TYW1B: variants seen among roughly 807,000 people sequenced by gnomAD.
TYW1B encodes tRNA-yW synthesizing protein 1 homolog B, also known as S-adenosyl-L-methionine-dependent tRNA 4-demethylwyosine synthase TYW1B.
TYW1B carries 73 observed loss-of-function variants against 86.9 expected under a neutral mutation model. The observed-to-expected ratio is 0.84, with a 90% CI of 0.70 to 1.02. TYW1B has a LOEUF of 1.02. Ranked by LOEUF, TYW1B falls within the 50% of genes least tolerant of loss-of-function variation. The pLI is 0.00. For synonymous variants in TYW1B, 248 were observed against 292.8 expected, an observed-to-expected ratio of 0.85 and a Z score of 1.56; for missense variants, 637 against 827.4, an observed-to-expected ratio of 0.77 and a Z score of 2.82.
chr7:72,603,245 CGGATGGATGGAT>C (rs201837149), intron 13 of TYW1B, among the ~76,000 whole-genome samples: 2 of 128,480 alleles, frequency 1.6e-5, no homozygotes, highest in Non-Finnish European at 3.3e-5. Flanking sequence ...GATGGACGGA[CGGATGGATGGAT>C]GGATGGATGG....
intron 10 of TYW1B, among the ~76,000 whole-genome samples, chr7:72,700,572 T>C (rs1255721390): frequency 2.6e-5 from 4 of 152,194 alleles, no homozygotes; most frequent in African/African-American, 9.7e-5. Context: ...CACATATTTG[T>C]GAATTTCCCA....
At chr7:72,822,314 GA>G (rs797027019) in intron 2 of TYW1B, among the ~76,000 whole-genome samples, 3 of 150,126 alleles carry the variant, frequency 2.0e-5, no homozygotes, top group African/African-American at 2.4e-5. Flanking sequence ...AATGAAAAGG[GA>G]AAAAAAATTC....
chr7:72,593,919 C>A (rs1236060724), intron 13 of TYW1B, among the ~76,000 whole-genome samples: 2 of 147,286 alleles, frequency 1.4e-5, no homozygotes, highest in Non-Finnish European at 3.0e-5. Flanking sequence ...TAAATATTAC[C>A]AATGGATCAC....
At chr7:72,814,682 A>G (rs2129572799) in intron 3 of TYW1B, among the ~76,000 whole-genome samples, 1 of 152,082 alleles carries the variant, frequency 6.6e-6, no homozygotes, top group South Asian at 2.1e-4. Flanking sequence ...GGATCACTTG[A>G]GCCCGGGAGG....
chr7:72,642,349 C>A (rs560630869), intron 11 of TYW1B, among the ~76,000 whole-genome samples: 396 of 152,292 alleles, frequency 2.6e-3, no homozygotes, highest in African/African-American at 9.0e-3. Flanking sequence ...ATACAATGGA[C>A]TTTTCAAAGT....
At chr7:72,811,716 A>G (rs1300364246) in intron 3 of TYW1B, among the ~76,000 whole-genome samples, 1 of 151,742 alleles carries the variant, frequency 6.6e-6, no homozygotes, top group African/African-American at 2.4e-5. Flanking sequence ...GTTCAAGACC[A>G]GCCTAAGCAA....
At chr7:72,644,466 T>G (rs1352036303) in intron 11 of TYW1B, among the ~76,000 whole-genome samples, 2 of 152,150 alleles carry the variant, frequency 1.3e-5, no homozygotes, top group African/African-American at 4.8e-5. Flanking sequence ...AAGAATCGCT[T>G]GAACTCAGGA....
chr7:72,642,141 C>T (rs2129569038), intron 11 of TYW1B, among the ~76,000 whole-genome samples: 1 of 152,272 alleles, frequency 6.6e-6, no homozygotes, highest in South Asian at 2.1e-4. Flanking sequence ...ATAGTCTTTT[C>T]AACACATGGT....
intron 5 of TYW1B, among the ~76,000 whole-genome samples, 159 bp from the exon 6 acceptor site, chr7:72,802,681 C>G (rs1418197876): frequency 6.6e-6 from 1 of 151,894 alleles, no homozygotes; most frequent in Non-Finnish European, 1.5e-5. Flanking sequence ...AGCGCAGTGG[C>G]GTCATCTCGG....
chr7:72,653,819 C>T (rs1281219341), intron 11 of TYW1B, among the ~76,000 whole-genome samples: 2 of 152,060 alleles, frequency 1.3e-5, no homozygotes, highest in African/African-American at 2.4e-5. Flanking sequence ...TGGTGGCTCA[C>T]GCCTGTGATC....
intron 5 of TYW1B, among the ~76,000 whole-genome samples, chr7:72,803,552 G>A (rs1232797061): frequency 1.3e-5 from 2 of 152,162 alleles, no homozygotes; most frequent in Non-Finnish European, 2.9e-5. Context: ...CGGCTAATAC[G>A]TGGCAGCCTT....
Position 72,694,672 on chromosome 7 carries a change from T to A in TYW1B, c.1506+15A>T. On this transcript the variant is annotated intron_variant, in intron 11 of 13. Transcript: ENST00000620995. ...GAGGGTTGTTTATTTATTTTTAAGA[T>A]GTCATAATTCTTACCTTGACTGCCA... 1 of 1,590,748 alleles carries A rather than the reference T, an allele frequency of 6.3e-7. No homozygotes were observed. The highest frequency in any genetic ancestry group is 8.5e-7 in the Non-Finnish European group (1 of 1,174,190).
Position 72,677,958 on chromosome 7 carries a change from T to C in TYW1B, c.1506+16729A>G, listed in dbSNP as rs532162950. Among the ~76,000 whole-genome samples, 3 of 152,212 alleles carry C rather than the reference T, an allele frequency of 2.0e-5. No homozygotes were observed. The East Asian group carries it at 5.8e-4, about 29-fold the overall frequency. On this transcript the variant is annotated intron_variant, in intron 11 of 13. Coordinates refer to ENST00000620995, the MANE Select transcript of TYW1B (RefSeq NM_001145440.3). Reference sequence around the variant, plus strand: ...CTCGAGTGATCCACCCACCTCAGTCTCCAAAAGCGCTGAGATTACAGGCGT... The same window carrying C: ...CTCGAGTGATCCACCCACCTCAGTCCCCAAAAGCGCTGAGATTACAGGCGT...
At chr7:72,814,013 TA>T (rs72093914) in intron 3 of TYW1B, among the ~76,000 whole-genome samples, 11,806 of 132,082 alleles carry the variant, frequency 0.089, 655 homozygotes, top group East Asian at 0.34. Context: ...AAAACTCCAT[TA>T]AAAAAAAAAA....
intron 8 of TYW1B, among the ~76,000 whole-genome samples, chr7:72,730,598 G>A (rs1554459680): frequency 6.7e-6 from 1 of 149,794 alleles, no homozygotes; most frequent in South Asian, 2.1e-4. Context: ...AGAAGAAGGA[G>A]GAGGAAGAGG....
At chr7:72,590,326 A>G (rs1554431188) in intron 13 of TYW1B, among the ~76,000 whole-genome samples, 2 of 152,210 alleles carry the variant, frequency 1.3e-5, no homozygotes. Context: ...CAGGATAGGC[A>G]ATAAGAACAC....
At chr7:72,594,011 A>C (rs1212483806) in intron 13 of TYW1B, among the ~76,000 whole-genome samples, 1 of 151,972 alleles carries the variant, frequency 6.6e-6, no homozygotes, top group Non-Finnish European at 1.5e-5. Context: ...TATGGGACAC[A>C]GTGAAAGCAA....
chr7:72,622,129 A>G lies in TYW1B; in HGVS notation c.1618-5290T>C, dbSNP rs189972272. On this transcript the variant is annotated intron_variant, in intron 12 of 13. Coordinates refer to ENST00000620995, the MANE Select transcript of TYW1B (RefSeq NM_001145440.3). ...GTGTTACAAAAGTTTTCAGCAAGAC[A>G]GATGGTTGTAACATGAAACCTTTTC... Among the ~76,000 whole-genome samples, 608 of 152,318 alleles carry G rather than the reference A, an allele frequency of 4.0e-3. 5 individuals carry two copies. Among genetic ancestry groups the G allele is most frequent in the African/African-American group, 0.014 (577 of 41,582 alleles).
chr7:72,632,300 CGT>C (rs1317156687), intron 11 of TYW1B, among the ~76,000 whole-genome samples: 2 of 55,224 alleles, frequency 3.6e-5, no homozygotes, highest in African/African-American at 3.2e-4. Context: ...TATATATATA[CGT>C]GTATATATAT....
Sources: allele counts gnomAD v4.1 joint callset (sites outside exome capture counted in the v4.1 genomes callset), GRCh38; gene constraint gnomAD v4.1.1; transcripts MANE v1.5; gene names NCBI Gene and HGNC (gene_info 2026-07-23, HGNC 2026-07-21).